Variants in TMEFF2 observed in about 807,000 individuals in gnomAD.
The protein encoded by TMEFF2 is tomoregulin-2.
Under a neutral mutation model 53.8 loss-of-function variants are expected in TMEFF2, and 28 were observed. The observed-to-expected ratio is 0.52, with a 90% CI of 0.39 to 0.71. The LOEUF is 0.71. Among genes scored for constraint, TMEFF2 ranks in the 30% least tolerant of loss-of-function variants. TMEFF2 has a pLI of 0.00. For missense variants in TMEFF2, 353 were observed against 455.2 expected (o/e 0.78, Z 2.04); for synonymous variants, 162 against 166.3 (o/e 0.97, Z 0.20).
intron 4 of TMEFF2, among the ~76,000 whole-genome samples, chr2:192,167,715 T>C (rs1181733653): frequency 2.0e-5 from 3 of 152,152 alleles, no homozygotes; most frequent in Non-Finnish European, 4.4e-5. Flanking sequence ...TAAAAGAGCA[T>C]GAGGACAGGG....
chr2:192,110,512 A>T (rs1045384793), intron 4 of TMEFF2, among the ~76,000 whole-genome samples: 1 of 152,142 alleles, frequency 6.6e-6, no homozygotes, highest in Middle Eastern at 3.2e-3. Context: ...TTCTGTCTAA[A>T]TATCTCTCTT....
At chr2:192,095,431 G>A (rs1425382203) in intron 4 of TMEFF2, among the ~76,000 whole-genome samples, 1 of 152,128 alleles carries the variant, frequency 6.6e-6, no homozygotes, top group Non-Finnish European at 1.5e-5. Context: ...TTCGAGACCA[G>A]CCTGGGCAAC....
chr2:191,992,214 C>T (rs956417966), intron 7 of TMEFF2, among the ~76,000 whole-genome samples: 1 of 152,116 alleles, frequency 6.6e-6, no homozygotes, highest in Non-Finnish European at 1.5e-5. Flanking sequence ...CTGCTGCCTG[C>T]ATTTGCTGCT....
Position 192,001,310 on chromosome 2 carries a change from C to A in TMEFF2, c.537-2102G>T, listed in dbSNP as rs560169444. On this transcript the variant is annotated intron_variant, in intron 5 of 9. Coordinates refer to ENST00000272771, the MANE Select transcript of TMEFF2 (RefSeq NM_016192.4). ...GATATTAGGGCTTTGACGGTATATC[C>A]AAATTAAGTCCAAAGAAATTTAGAA... is the stretch of plus-strand genomic sequence containing the variant. Among the ~76,000 whole-genome samples, 5 of 151,814 alleles carry A rather than the reference C, an allele frequency of 3.3e-5. No homozygotes were observed. In the East Asian group the frequency reaches 7.7e-4, roughly 23 times the overall value.
intron 4 of TMEFF2, among the ~76,000 whole-genome samples, chr2:192,172,714 G>A (rs1429063117): frequency 6.6e-6 from 1 of 151,944 alleles, no homozygotes; most frequent in Non-Finnish European, 1.5e-5. Context: ...ACATTGAGTA[G>A]AACAGATGAT....
intron 4 of TMEFF2, among the ~76,000 whole-genome samples, chr2:192,173,148 G>A (rs1338285546): frequency 3.3e-5 from 5 of 151,908 alleles, no homozygotes. Flanking sequence ...CAATAGGAAT[G>A]TTCCTAACAT....
intron 5 of TMEFF2, among the ~76,000 whole-genome samples, chr2:192,048,440 A>G (rs1020973432): frequency 6.6e-6 from 1 of 151,490 alleles, no homozygotes; most frequent in Non-Finnish European, 1.5e-5. Flanking sequence ...TTAGAGAGGG[A>G]TGACATTTTC....
At chr2:192,164,105 T>C (rs1280626575) in intron 4 of TMEFF2, among the ~76,000 whole-genome samples, 3 of 152,148 alleles carry the variant, frequency 2.0e-5, no homozygotes, top group African/African-American at 7.2e-5. Context: ...GAGCAATCTT[T>C]TGAAAATATA....
intron 4 of TMEFF2, among the ~76,000 whole-genome samples, chr2:192,168,871 CT>C (rs1358233388): frequency 6.6e-6 from 1 of 151,374 alleles, no homozygotes; most frequent in African/African-American, 2.4e-5. Context: ...GAGATGGGGT[CT>C]TGTTACATTG....
At chr2:192,132,563 A>G (rs1689869501) in intron 4 of TMEFF2, among the ~76,000 whole-genome samples, 1 of 149,246 alleles carries the variant, frequency 6.7e-6, no homozygotes, top group South Asian at 2.1e-4. Context: ...TACAATAATG[A>G]AAAAAAAAAG....
At position 191,949,568 on chromosome 2, in the gene TMEFF2, G is replaced by A. The variant is rs1691806305; in HGVS notation, c.*743C>T. On this transcript the variant is annotated 3_prime_UTR_variant, in exon 10 of 10. Coordinates refer to ENST00000272771, the MANE Select transcript of TMEFF2 (RefSeq NM_016192.4). ...TTGCCACTCTGTGTATACCTAGTAT[G>A]TAACTTGTTCAGTAAGTTCAGATAT... 1 of 985,256 alleles carries A rather than the reference G, an allele frequency of 1.0e-6. No individual in the cohort carries two copies. Among genetic ancestry groups the A allele is most frequent in the Non-Finnish European group, 1.2e-6 (1 of 829,914 alleles). The allele number at this position is 985,256 out of a possible 1,614,324, so 61.0% of individuals were successfully genotyped here. A position where few individuals can be genotyped will look rare whatever the true frequency, so the allele number is the denominator to read the frequency against.
Position 192,130,377 on chromosome 2 carries a change from G to A in TMEFF2, c.439+49291C>T, listed in dbSNP as rs184997901. ...TTTAGAGTTTTCACATAATACCTTA[G>A]AAAGAGTATGTCAGGCCTCTGAGCC... On this transcript the variant is annotated intron_variant, in intron 4 of 9. Coordinates refer to ENST00000272771, the MANE Select transcript of TMEFF2 (RefSeq NM_016192.4). Among the ~76,000 whole-genome samples the A allele has an allele frequency of 2.2e-3, 336 of 152,000 alleles. 2 individuals carry two copies. The highest frequency in any genetic ancestry group is 7.7e-3 in the African/African-American group (319 of 41,440).
At chr2:192,095,452 C>T (rs1414758465) in intron 4 of TMEFF2, among the ~76,000 whole-genome samples, 3 of 151,720 alleles carry the variant, frequency 2.0e-5, no homozygotes, top group Non-Finnish European at 2.9e-5. Flanking sequence ...AAAGCAAGGC[C>T]CTCATCTCCA....
chr2:192,102,594 C>A (rs991275731), intron 4 of TMEFF2, among the ~76,000 whole-genome samples: 3 of 148,248 alleles, frequency 2.0e-5, no homozygotes, highest in Non-Finnish European at 3.0e-5. Context: ...ATTTTAATAT[C>A]ATCTTCTCAA....
chr2:192,092,577 G>C (rs915200386), intron 4 of TMEFF2, among the ~76,000 whole-genome samples: 8 of 152,220 alleles, frequency 5.3e-5, no homozygotes, highest in African/African-American at 1.7e-4. Context: ...CTCAAAGATG[G>C]CCACATCCTA....
chr2:192,148,113 G>T (rs954412222), intron 4 of TMEFF2, among the ~76,000 whole-genome samples: 1 of 151,956 alleles, frequency 6.6e-6, no homozygotes, highest in Non-Finnish European at 1.5e-5. Flanking sequence ...GTTGCACAGA[G>T]TATCAATTTG....
intron 4 of TMEFF2, among the ~76,000 whole-genome samples, chr2:192,086,659 A>G (rs1688675729): frequency 6.6e-6 from 1 of 152,172 alleles, no homozygotes; most frequent in African/African-American, 2.4e-5. Flanking sequence ...ACCTTGTGGT[A>G]GGTGCCAAGC....
chr2:191,950,456 A>C (rs552083512), intron 9 of TMEFF2, 49 bp from the exon 10 acceptor site: 1 of 1,613,818 alleles, frequency 6.2e-7, no homozygotes, highest in East Asian at 2.2e-5. Flanking sequence ...TATTACCTAA[A>C]GTTTGGCCCT....
At chr2:192,075,285 TTATATATATATATATATATATATA>T (rs111733023) in intron 4 of TMEFF2, among the ~76,000 whole-genome samples, 30,518 of 65,740 alleles carry the variant, frequency 0.46, 5,669 homozygotes, top group Non-Finnish European at 0.56. Context: ...TACAGTACTA[TTATATATATATATATATATATATA>T]TATATATATA....
Sources: allele counts gnomAD v4.1 joint callset (sites outside exome capture counted in the v4.1 genomes callset), GRCh38; gene constraint gnomAD v4.1.1; transcripts MANE v1.5; gene names NCBI Gene and HGNC (gene_info 2026-07-23, HGNC 2026-07-21).